DLGAP5: variants seen among roughly 807,000 people sequenced by gnomAD.
DLGAP5 encodes DLG associated protein 5, also known as disks large-associated protein 5.
A neutral mutation model predicts 99.6 loss-of-function variants in DLGAP5; 90 were observed. The observed-to-expected ratio is 0.90, with a 90% confidence interval of 0.76 to 1.08. The LOEUF is 1.08. DLGAP5 is among the 50% of genes least tolerant of loss of function. The pLI, the probability that DLGAP5 is intolerant of heterozygous loss-of-function variation, is 0.00. For synonymous variants in DLGAP5, 311 were observed against 321.3 expected, an observed-to-expected ratio of 0.97 and a Z score of 0.34; for missense variants, 1,036 against 983.5, an observed-to-expected ratio of 1.05 and a Z score of -0.71.
chr14:55,173,302 C>T (rs1407480204), intron 10 of DLGAP5, among the ~76,000 whole-genome samples: 1 of 147,018 alleles, frequency 6.8e-6, no homozygotes, highest in South Asian at 2.1e-4. Flanking sequence ...AAAAAAAACA[C>T]ACACACACCA....
At chr14:55,154,540 T>A in intron 15 of DLGAP5, 77 bp downstream of exon 15, 1 of 1,239,126 alleles carries the variant, frequency 8.1e-7, no homozygotes, top group Non-Finnish European at 1.2e-6. Flanking sequence ...GTCTGGCACC[T>A]TTTACCATCT....
intron 3 of DLGAP5, among the ~76,000 whole-genome samples, 182 bp from the exon 4 acceptor site, chr14:55,182,614 A>C (rs1883314121): frequency 6.6e-6 from 1 of 152,214 alleles, no homozygotes; most frequent in South Asian, 2.1e-4. Flanking sequence ...TAGTAACTTC[A>C]AAAATTACTC....
intron 18 of DLGAP5, chr14:55,150,547 A>G: frequency 3.8e-6 from 1 of 261,760 alleles, no homozygotes; most frequent in South Asian, 9.1e-5. Context: ...ATATTCAAGT[A>G]CCCAGTTTGT....
intron 12 of DLGAP5, among the ~76,000 whole-genome samples, chr14:55,167,848 ATT>A (rs920690206): frequency 1.4e-4 from 22 of 152,156 alleles, no homozygotes; most frequent in African/African-American, 5.3e-4. Context: ...TTTGTATAAA[ATT>A]TGTTTTCTTT....
chr14:55,172,513 T>C (rs554361671), intron 10 of DLGAP5, among the ~76,000 whole-genome samples: 4 of 152,170 alleles, frequency 2.6e-5, no homozygotes, highest in African/African-American at 7.2e-5. Flanking sequence ...GAAACAGACA[T>C]AGTCCCAGCT....
intron 2 of DLGAP5, among the ~76,000 whole-genome samples, chr14:55,187,189 C>A (rs763168745): frequency 5.9e-5 from 9 of 152,120 alleles, no homozygotes; most frequent in Non-Finnish European, 8.8e-5. Flanking sequence ...GTATGAGCCA[C>A]CGCATCTGGC....
intron 14 of DLGAP5, among the ~76,000 whole-genome samples, chr14:55,157,660 G>A (rs1410478797): frequency 1.3e-5 from 2 of 152,164 alleles, no homozygotes; most frequent in Non-Finnish European, 2.9e-5. Context: ...GCTTTTACTG[G>A]AATATTTTTA....
At chr14:55,176,544 ATAAC>A (rs1883067077) in intron 8 of DLGAP5, among the ~76,000 whole-genome samples, 1 of 152,224 alleles carries the variant, frequency 6.6e-6, no homozygotes, top group Admixed American at 6.5e-5. Context: ...TATAGTGAAA[ATAAC>A]AATGCATAGG....
At chr14:55,151,986 T>C (rs772777235) in intron 16 of DLGAP5, 45 bp from the exon 17 acceptor site, 34 of 1,562,202 alleles carry the variant, frequency 2.2e-5, no homozygotes, top group Non-Finnish European at 2.9e-5. Context: ...ATTTAATTAC[T>C]TGGAACAAAT....
chr14:55,159,039 T>G (rs540702385), intron 13 of DLGAP5, among the ~76,000 whole-genome samples: 1 of 136,100 alleles, frequency 7.3e-6, no homozygotes, highest in East Asian at 2.2e-4. Context: ...ATTATAACCA[T>G]GACACCCCCC....
intron 10 of DLGAP5, among the ~76,000 whole-genome samples, chr14:55,173,181 T>C (rs1377137824): frequency 1.4e-5 from 2 of 146,826 alleles, no homozygotes; most frequent in Non-Finnish European, 3.0e-5. Context: ...ATGCCTGTAA[T>C]CCTAACAGTA....
intron 16 of DLGAP5, 89 bp from the exon 17 acceptor site, chr14:55,152,030 A>C: frequency 1.5e-6 from 2 of 1,291,632 alleles, no homozygotes; most frequent in Non-Finnish European, 2.1e-6. Context: ...ATACAAGAAA[A>C]ACAGAAGGAT....
chr14:55,175,861 C>A (rs756670646), intron 9 of DLGAP5, 33 bp downstream of exon 9: 8 of 1,489,762 alleles, frequency 5.4e-6, no homozygotes, highest in Non-Finnish European at 6.3e-6. Context: ...TAACATTATT[C>A]TAAAAAATGA....
chr14:55,163,367 G>T (rs1416841370), intron 12 of DLGAP5, among the ~76,000 whole-genome samples: 1 of 151,954 alleles, frequency 6.6e-6, no homozygotes, highest in Non-Finnish European at 1.5e-5. Context: ...CCTAAATGTT[G>T]TTTCTTAAAT....
chr14:55,165,511 G>A (rs1414288948), intron 12 of DLGAP5, among the ~76,000 whole-genome samples: 4 of 151,216 alleles, frequency 2.6e-5, no homozygotes, highest in South Asian at 2.1e-4. Context: ...TTGACAGAGC[G>A]AGACCCTGAC....
intron 18 of DLGAP5, among the ~76,000 whole-genome samples, chr14:55,149,095 G>A (rs1434823289): frequency 2.0e-5 from 3 of 151,938 alleles, no homozygotes; most frequent in Non-Finnish European, 4.4e-5. Context: ...TTACAGAAGT[G>A]AAAAAAATAT....
intron 12 of DLGAP5, among the ~76,000 whole-genome samples, chr14:55,166,346 A>G (rs1009348887): frequency 4.6e-5 from 7 of 152,256 alleles, no homozygotes; most frequent in African/African-American, 1.7e-4. Flanking sequence ...GCAAATCTAC[A>G]GAGACAGTAA....
intron 13 of DLGAP5, among the ~76,000 whole-genome samples, chr14:55,160,376 C>T (rs112471424): frequency 0.02 from 2,978 of 146,870 alleles, 79 homozygotes; most frequent in African/African-American, 0.071. Context: ...GCCTGGGCAA[C>T]ACAGCAAGAC....
chr14:55,167,741 T>A (rs1236666150), intron 12 of DLGAP5, among the ~76,000 whole-genome samples: 1 of 152,208 alleles, frequency 6.6e-6, no homozygotes, highest in Non-Finnish European at 1.5e-5. Context: ...GGTATAGAAA[T>A]CCAGGTTGGA....
Sources: allele counts gnomAD v4.1 joint callset (sites outside exome capture counted in the v4.1 genomes callset), GRCh38; gene constraint gnomAD v4.1.1; transcripts MANE v1.5; gene names NCBI Gene and HGNC (gene_info 2026-07-23, HGNC 2026-07-21).